Variants in SPICE1 observed in about 807,000 individuals in gnomAD.
The protein encoded by SPICE1 is spindle and centriole associated protein 1, also known as spindle and centriole-associated protein 1.
SPICE1 carries 75 observed loss-of-function variants against 102.7 expected under a neutral mutation model. That is an observed-to-expected ratio of 0.73 (90% CI 0.61 to 0.88). The LOEUF is 0.88. Among genes scored for constraint, SPICE1 ranks in the 40% least tolerant of loss-of-function variants. The pLI, the probability that SPICE1 is intolerant of heterozygous loss-of-function variation, is 0.00. For synonymous variants in SPICE1, 308 were observed against 350.3 expected (o/e 0.88, Z 1.35); for missense variants, 979 against 1,020.1 (o/e 0.96, Z 0.55).
At position 113,453,582 on chromosome 3, in the gene SPICE1, T is replaced by C; in HGVS notation, c.2026A>G (p.Thr676Ala). ...GCCTTGATAGCTGAATTCTGCAATG[T>C]CAAATCAGCAATTCGTGTCATTATG... ...KDIMTRIADL[T>A]LQNSAIKAHM... is the part of the protein sequence containing the mutation. Residue 676 changes from threonine to alanine, a missense_variant, in exon 14 of 18, where the codon ACA (threonine) becomes GCA (alanine). Physicochemically the swap from Thr to Ala is moderately conservative, Grantham distance 58 (BLOSUM62 0). Transcript: ENST00000295872. The C allele has an allele frequency of 6.2e-7, 1 of 1,614,202 alleles. No homozygotes were observed. Among genetic ancestry groups the C allele is most frequent in the Non-Finnish European group, 8.5e-7 (1 of 1,180,038 alleles).
chr3:113,463,884 C>G (rs374710184), intron 11 of SPICE1, among the ~76,000 whole-genome samples: 1 of 152,084 alleles, frequency 6.6e-6, no homozygotes, highest in African/African-American at 2.4e-5. Context: ...CTGGCTAACA[C>G]GGTGAAACCT....
chr3:113,493,071 A>T (rs1038911834), intron 6 of SPICE1, 135 bp downstream of exon 6: 1 of 615,622 alleles, frequency 1.6e-6, no homozygotes, highest in African/African-American at 1.9e-5. Flanking sequence ...AAAGTGCAAT[A>T]CACTTAAGAG....
At chr3:113,457,817 C>T (rs1935815458) in intron 12 of SPICE1, among the ~76,000 whole-genome samples, 1 of 152,150 alleles carries the variant, frequency 6.6e-6, no homozygotes, top group African/African-American at 2.4e-5. Flanking sequence ...CACCATCACA[C>T]CCAGCTAATT....
intron 15 of SPICE1, chr3:113,449,858 T>C (rs192088002): frequency 1.1e-4 from 17 of 157,150 alleles, no homozygotes; most frequent in Non-Finnish European, 2.8e-5. Flanking sequence ...GTGAATACTA[T>C]GACAATTTTT....
chr3:113,450,614 T>C, intron 14 of SPICE1, 98 bp from the exon 15 acceptor site: 4 of 1,266,366 alleles, frequency 3.2e-6, no homozygotes, highest in Middle Eastern at 4.5e-4. Flanking sequence ...TCTCACTCTG[T>C]TGCCCAGGCT....
At chr3:113,452,732 C>A (rs547425279) in intron 14 of SPICE1, among the ~76,000 whole-genome samples, 1 of 152,210 alleles carries the variant, frequency 6.6e-6, no homozygotes, top group Admixed American at 6.5e-5. Flanking sequence ...GTAATTCCAG[C>A]ACTTTGGGAG....
intron 1 of SPICE1, among the ~76,000 whole-genome samples, chr3:113,514,076 T>C (rs77730111): frequency 0.028 from 4,323 of 152,292 alleles, 105 homozygotes; most frequent in East Asian, 0.081. Context: ...GAATAAAAGT[T>C]AGAAGCAGGG....
intron 7 of SPICE1, among the ~76,000 whole-genome samples, chr3:113,470,147 C>T (rs1368366336): frequency 6.6e-6 from 1 of 152,222 alleles, no homozygotes; most frequent in African/African-American, 2.4e-5. Flanking sequence ...GCTAAAGTTA[C>T]AGCCTACCTT....
chr3:113,462,559 T>G (rs2107457274), intron 11 of SPICE1, among the ~76,000 whole-genome samples: 1 of 152,356 alleles, frequency 6.6e-6, no homozygotes, highest in East Asian at 1.9e-4. Context: ...CCCACATGAT[T>G]CCAAGCTTTG....
rs374720787 is a variant in SPICE1 at position 113,452,578 on chromosome 3, G to A, written c.2142+888C>T. On this transcript the variant is annotated intron_variant, in intron 14 of 17. Transcript: ENST00000295872. ...ACGCACCTGTAATCCCAGCTACTTG[G>A]GAGGCTGAGGCAGCAGAATCGCTTG... Among the ~76,000 whole-genome samples, 441 of 152,216 alleles carry A rather than the reference G, an allele frequency of 2.9e-3. 3 individuals carry two copies. Among genetic ancestry groups the A allele is most frequent in the African/African-American group, 0.01 (423 of 41,510 alleles).
chr3:113,474,127 G>A (rs1197690269), intron 7 of SPICE1, among the ~76,000 whole-genome samples: 79 of 151,126 alleles, frequency 5.2e-4, no homozygotes, highest in Non-Finnish European at 7.4e-5. Context: ...AAAAGGCAGG[G>A]GTTGCAATCC....
chr3:113,514,575 A>C, intron 1 of SPICE1: 1 of 453,104 alleles, frequency 2.2e-6, no homozygotes, highest in South Asian at 1.6e-5. Context: ...AGTTGCAACC[A>C]TTCTTTTCCC....
intron 2 of SPICE1, 26 bp from the exon 3 acceptor site, chr3:113,503,253 A>T (rs1483033840): frequency 4.3e-5 from 14 of 325,304 alleles, no homozygotes; most frequent in South Asian, 2.5e-4. Flanking sequence ...GCCTTTCTTT[A>T]AAAAAAAAAA....
At position 113,485,288 on chromosome 3, in the gene SPICE1, G is replaced by A. The variant is rs572747744; in HGVS notation, c.611+3657C>T. On this transcript the variant is annotated intron_variant, in intron 7 of 17. Coordinates refer to ENST00000295872, the MANE Select transcript of SPICE1 (RefSeq NM_144718.4). ...AGGCAGCCAAGTGGTCTGGCTCAGC[G>A]GGTCCCACACCACGGAGCCCAGCAA... 7.9e-5 allele frequency among the ~76,000 whole-genome samples: 12 copies of A among 152,066 alleles called. No individual in the cohort carries two copies. The East Asian group carries it at 1.7e-3, about 22-fold the overall frequency.
At position 113,465,665 on chromosome 3, in the gene SPICE1, G is replaced by A. The variant is rs536270765; in HGVS notation, c.1275C>T (p.Asn425=). ...CTCATCTGAGTACCTGTGTAGCAGC[G>A]TTTTCTTCTCTAAGACGAAGAATTT... The part of the protein sequence containing the change: ...TAEILRLREE[N]AATQARLQQY... The change falls in exon 11 of 18, where the codon AAC becomes AAT. Residue 425 remains asparagine (N), a synonymous_variant. Coordinates refer to ENST00000295872, the MANE Select transcript of SPICE1 (RefSeq NM_144718.4). The A allele has an allele frequency of 1.9e-5, 30 of 1,613,340 alleles. No individual in the cohort carries two copies. The highest frequency in any genetic ancestry group is 3.3e-5 in the South Asian group (3 of 90,978).
intron 7 of SPICE1, among the ~76,000 whole-genome samples, chr3:113,478,291 C>T (rs1006538845): frequency 2.0e-5 from 3 of 152,034 alleles, no homozygotes; most frequent in African/African-American, 7.2e-5. Flanking sequence ...CTGAACTCTG[C>T]ATTGTATACA....
intron 7 of SPICE1, among the ~76,000 whole-genome samples, chr3:113,485,257 G>C (rs1395126753): frequency 2.0e-5 from 3 of 151,798 alleles, no homozygotes; most frequent in African/African-American, 7.3e-5. Context: ...AAAGGGGGCT[G>C]AAGCTAGGCA....
chr3:113,468,158 A>G lies in SPICE1; in HGVS notation c.1136T>C (p.Leu379Pro). The G allele has an allele frequency of 1.2e-6, 2 of 1,614,238 alleles. No individual in the cohort carries two copies. Among genetic ancestry groups the G allele is most frequent in the Non-Finnish European group, 1.7e-6 (2 of 1,180,034 alleles). ...CCTTACCTCTTTAAGGTACCGAACC[A>G]GGCGACAGAGGGAGCTCACCAGCGA... ...TLSLVSSLCR[L>P]VRYLKESEIQ... The change falls in exon 10 of 18, where the codon CTG becomes CCG. Residue 379 changes from leucine to proline, a missense_variant. Transcript: ENST00000295872.
At chr3:113,469,026 T>C in intron 8 of SPICE1, 73 bp downstream of exon 8, 3 of 1,565,884 alleles carry the variant, frequency 1.9e-6, no homozygotes, top group Non-Finnish European at 2.6e-6. Flanking sequence ...ATAACATTCC[T>C]TCAAAAATTA....
Sources: gnomAD v4.1 joint callset for allele counts (sites outside exome capture counted in the v4.1 genomes callset) on GRCh38, gnomAD v4.1.1 for gene constraint, MANE v1.5 for transcripts, NCBI Gene and HGNC (gene_info 2026-07-23, HGNC 2026-07-21) for gene names.